Variants in PACRG observed in about 807,000 individuals in gnomAD.
PACRG encodes the protein parkin coregulated.
Under a neutral mutation model 29.7 loss-of-function variants are expected in PACRG, and 29 were observed. The observed-to-expected ratio is 0.98, with a 90% CI of 0.73 to 1.33. The LOEUF (loss-of-function observed/expected upper bound fraction) is 1.33, where lower values mean the gene tolerates loss of function less well. Among genes scored for constraint, PACRG ranks in the 40% most tolerant of loss-of-function variants. The pLI, the probability that PACRG is intolerant of heterozygous loss-of-function variation, is 0.00. For missense variants in PACRG, 279 were observed against 316.2 expected (o/e 0.88, Z 0.89); for synonymous variants, 116 against 118.7 (o/e 0.98, Z 0.15).
intron 4 of PACRG, among the ~76,000 whole-genome samples, chr6:163,098,970 G>A (rs565110774): frequency 1.1e-4 from 16 of 152,238 alleles, no homozygotes; most frequent in South Asian, 2.1e-4. Flanking sequence ...GGTTTGGGCC[G>A]GCTTCTTTAC....
At chr6:163,149,527 C>T (rs2128337811) in intron 4 of PACRG, among the ~76,000 whole-genome samples, 1 of 152,262 alleles carries the variant, frequency 6.6e-6, no homozygotes, top group Admixed American at 6.5e-5. Flanking sequence ...CGAGCTGAAA[C>T]TTCTCCCTAA....
At chr6:163,059,765 G>C (rs181601706) in intron 2 of PACRG, among the ~76,000 whole-genome samples, 61 of 152,214 alleles carry the variant, frequency 4.0e-4, no homozygotes, top group African/African-American at 1.3e-3. Context: ...TCTTCCAGTC[G>C]CTTGAGGATC....
chr6:163,021,878 C>T (rs1315030351), intron 2 of PACRG, among the ~76,000 whole-genome samples: 1 of 152,244 alleles, frequency 6.6e-6, no homozygotes, highest in Non-Finnish European at 1.5e-5. Context: ...CCGAGTTAAG[C>T]ATCAGAATAA....
intron 4 of PACRG, among the ~76,000 whole-genome samples, chr6:163,277,428 G>A (rs963983764): frequency 6.0e-5 from 9 of 149,766 alleles, no homozygotes; most frequent in African/African-American, 1.2e-4. Flanking sequence ...TGTGAATGTC[G>A]TTATTTCGTT....
intron 3 of PACRG, among the ~76,000 whole-genome samples, chr6:163,078,343 G>A (rs566757): frequency 0.53 from 81,201 of 151,882 alleles, 24,658 homozygotes; most frequent in East Asian, 0.97. Context: ...TCTACTAAAA[G>A]GATACAAAAA....
At chr6:162,913,113 C>A (rs764968908) in intron 2 of PACRG, among the ~76,000 whole-genome samples, 2 of 152,156 alleles carry the variant, frequency 1.3e-5, no homozygotes, top group African/African-American at 2.4e-5. Context: ...ATTTTTACAA[C>A]TTCACTGAAG....
intron 2 of PACRG, among the ~76,000 whole-genome samples, chr6:163,040,829 C>T (rs1240712831): frequency 6.6e-6 from 1 of 152,304 alleles, no homozygotes; most frequent in East Asian, 1.9e-4. Context: ...TTTTATCTTA[C>T]AGGCTCATAG....
intron 4 of PACRG, among the ~76,000 whole-genome samples, chr6:163,126,223 A>T (rs1816508385): frequency 6.6e-6 from 1 of 152,216 alleles, no homozygotes; most frequent in Non-Finnish European, 1.5e-5. Context: ...TTTATAAGAT[A>T]CCAAAATACA....
intron 1 of PACRG, among the ~76,000 whole-genome samples, chr6:162,809,973 T>C (rs1479709803): frequency 1.3e-5 from 2 of 152,190 alleles, no homozygotes; most frequent in Non-Finnish European, 2.9e-5. Flanking sequence ...AAGAGTTGTC[T>C]CCTTCCCATT....
At chr6:163,198,013 G>T (rs1330983688) in intron 4 of PACRG, among the ~76,000 whole-genome samples, 1 of 152,198 alleles carries the variant, frequency 6.6e-6, no homozygotes, top group Non-Finnish European at 1.5e-5. Context: ...GCAAAGAGAG[G>T]TTTCTAGATA....
intron 2 of PACRG, among the ~76,000 whole-genome samples, chr6:163,023,289 G>A (rs897000811): frequency 1.3e-5 from 2 of 152,136 alleles, no homozygotes; most frequent in Non-Finnish European, 2.9e-5. Context: ...CGTGTGCTCA[G>A]TGCTTAGCTC....
chr6:163,134,412 C>T (rs1213521259), intron 4 of PACRG, among the ~76,000 whole-genome samples: 1 of 152,162 alleles, frequency 6.6e-6, no homozygotes, highest in Non-Finnish European at 1.5e-5. Context: ...CTCCAATGGG[C>T]GTTGAAGAGA....
intron 4 of PACRG, among the ~76,000 whole-genome samples, chr6:163,090,562 T>A (rs1437566520): frequency 6.6e-6 from 1 of 152,224 alleles, no homozygotes; most frequent in African/African-American, 2.4e-5. Context: ...TCTCTTATTG[T>A]TAAAATGTAA....
chr6:163,155,606 G>T (rs1359121309), intron 4 of PACRG, among the ~76,000 whole-genome samples: 1 of 152,232 alleles, frequency 6.6e-6, no homozygotes, highest in Non-Finnish European at 1.5e-5. Flanking sequence ...ATGCAACAGG[G>T]AAAGTTATCT....
At chr6:163,263,811 A>G (rs1055634802) in intron 4 of PACRG, among the ~76,000 whole-genome samples, 1 of 152,252 alleles carries the variant, frequency 6.6e-6, no homozygotes, top group Non-Finnish European at 1.5e-5. Context: ...CATATTTTTT[A>G]GATAAAGGGC....
intron 2 of PACRG, among the ~76,000 whole-genome samples, chr6:163,034,087 G>A (rs916612692): frequency 1.3e-5 from 2 of 151,880 alleles, no homozygotes; most frequent in Admixed American, 6.6e-5. Flanking sequence ...GAGAAACAGC[G>A]GAAAAGCATT....
intron 4 of PACRG, among the ~76,000 whole-genome samples, chr6:163,116,566 G>C (rs963122107): frequency 6.6e-6 from 1 of 152,114 alleles, no homozygotes; most frequent in African/African-American, 2.4e-5. Context: ...ACCAGCGACA[G>C]CAGTCCAGGT....
At chr6:163,106,946 GA>G (rs1815416173) in intron 4 of PACRG, among the ~76,000 whole-genome samples, 1 of 152,124 alleles carries the variant, frequency 6.6e-6, no homozygotes, top group African/African-American at 2.4e-5. Context: ...TTGAAAAGAG[GA>G]AAAAAGGCTC....
chr6:163,155,284 G>C lies in PACRG; in HGVS notation c.613+65876G>C, dbSNP rs1778266914. 1.3e-5 allele frequency among the ~76,000 whole-genome samples: 2 copies of C among 152,228 alleles called. 1 individual carries two copies. Among genetic ancestry groups the C allele is most frequent in the South Asian group, 4.1e-4 (2 of 4,826 alleles). ...CCCGGGCTAGGAAGTTACAGATGAG[G>C]CCAGTGAAGAGGAGGCTCGTCCCTC... On this transcript the variant is annotated intron_variant, in intron 4 of 4. Transcript: ENST00000366888.
Sources: allele counts gnomAD v4.1 joint callset (sites outside exome capture counted in the v4.1 genomes callset), GRCh38; gene constraint gnomAD v4.1.1; transcripts MANE v1.5; gene names NCBI Gene and HGNC (gene_info 2026-07-23, HGNC 2026-07-21).